The following PRKAR1B variants were observed in gnomAD, a reference collection of about 807,000 sequenced individuals.
The protein encoded by PRKAR1B is cAMP-dependent protein kinase type I-beta regulatory subunit.
In PRKAR1B, 22 loss-of-function variants were observed where a neutral mutation model predicts 46.5. The observed-to-expected ratio is 0.47, with a 90% CI of 0.34 to 0.68. PRKAR1B has a LOEUF of 0.68. Among genes scored for constraint, PRKAR1B ranks in the 30% least tolerant of loss-of-function variants. PRKAR1B has a pLI of 0.01. For synonymous variants in PRKAR1B, 259 were observed against 217.7 expected (o/e 1.19, Z -1.67); for missense variants, 445 against 535.6 (o/e 0.83, Z 1.67).
chr7:654,870 AC>A (rs1218934328), intron 4 of PRKAR1B, among the ~76,000 whole-genome samples: 2 of 152,184 alleles, frequency 1.3e-5, no homozygotes, highest in Admixed American at 1.3e-4. Flanking sequence ...TATCACCATC[AC>A]CACCATCAAC....
Position 644,498 on chromosome 7 carries a change from G to C in PRKAR1B, c.440+32731C>G, listed in dbSNP as rs1050392004. Reference sequence around the variant, plus strand: ...GGAAGCCCCACTCGGACGCCATCCCGGGGTCCAGCATCCCTCCGAGGGCCC... The same window carrying C: ...GGAAGCCCCACTCGGACGCCATCCCCGGGTCCAGCATCCCTCCGAGGGCCC... On this transcript the variant is annotated intron_variant, in intron 4 of 10. Coordinates refer to ENST00000537384, the MANE Select transcript of PRKAR1B (RefSeq NM_001164760.2). The surrounding 1 kb of genome is among the most constrained non-coding windows in gnomAD (Gnocchi z 4.9). 6.6e-6 allele frequency among the ~76,000 whole-genome samples: 1 copy of C among 152,148 alleles called. No individual in the cohort carries two copies.
At chr7:668,135 A>T (rs1786037251) in intron 4 of PRKAR1B, among the ~76,000 whole-genome samples, 1 of 152,198 alleles carries the variant, frequency 6.6e-6, no homozygotes, top group Non-Finnish European at 1.5e-5. Context: ...CTGCAGGTGG[A>T]TGCATCTGCA....
At chr7:565,152 A>G (rs1046118314) in intron 9 of PRKAR1B, 1 of 152,208 alleles carries the variant, frequency 6.6e-6, no homozygotes, top group African/African-American at 2.4e-5. Flanking sequence ...AGATGCTCCA[A>G]CCATCCCTCA....
chr7:598,962 C>A (rs1024773259), intron 6 of PRKAR1B, among the ~76,000 whole-genome samples: 1 of 152,238 alleles, frequency 6.6e-6, no homozygotes, highest in East Asian at 1.9e-4. Context: ...CAGCCCGGGA[C>A]GGCCGCACCT....
At chr7:698,982 AG>A (rs1253242034) in intron 2 of PRKAR1B, among the ~76,000 whole-genome samples, 1 of 152,158 alleles carries the variant, frequency 6.6e-6, no homozygotes, top group Non-Finnish European at 1.5e-5. Context: ...TGCCACACAC[AG>A]GGGCACCAGC....
chr7:680,929 C>G (rs1030636266), intron 2 of PRKAR1B, among the ~76,000 whole-genome samples: 8 of 152,150 alleles, frequency 5.3e-5, no homozygotes, highest in Admixed American at 4.6e-4. Context: ...TGTGTCCCCA[C>G]TCAAATCTCA....
chr7:612,078 GACAGGTGGGTGGATGA>G (rs1782536827), intron 4 of PRKAR1B, among the ~76,000 whole-genome samples: 1 of 151,732 alleles, frequency 6.6e-6, no homozygotes, highest in African/African-American at 2.4e-5. Flanking sequence ...TGGATGGACG[GACAGGTGGGTGGATGA>G]ACAGGTGTGT....
At position 701,929 on chromosome 7, in the gene PRKAR1B, C is replaced by T. The variant is rs139315116; in HGVS notation, c.177+9400G>A. 8.5e-4 allele frequency among the ~76,000 whole-genome samples: 130 copies of T among 152,228 alleles called. 2 individuals are homozygous for T. The highest frequency in any genetic ancestry group is 2.6e-3 in the African/African-American group (108 of 41,536). On this transcript the variant is annotated intron_variant, in intron 2 of 10. Transcript: ENST00000537384. ...GGAAAGAAAAACACTTCAGGAACCA[C>T]GGAAGAGTGACAGAAATGGGAAATA...
rs146084720 is a variant in PRKAR1B, at chr7:623,715, C to T, written c.441-16263G>A. Among the ~76,000 whole-genome samples the T allele has an allele frequency of 1.6e-3, 245 of 152,362 alleles. 2 individuals carry two copies. The highest frequency in any genetic ancestry group is 5.6e-3 in the African/African-American group (233 of 41,582). On this transcript the variant is annotated intron_variant, in intron 4 of 10. Transcript: ENST00000537384. ...GGCAAGCCCAAGCTCCTTCCTCCAC[C>T]GCAAGACCCCATTGCAGTGATCCCT...
chr7:550,256 A>G lies in PRKAR1B; in HGVS notation c.*174T>C, dbSNP rs1032127596. ...CGCTTGTCCTTTGATTTGGAAATGCACAAGGTGATCATTTATTCCAAAAAG... is the reference window on the plus strand; with the variant it reads ...CGCTTGTCCTTTGATTTGGAAATGCGCAAGGTGATCATTTATTCCAAAAAG... On this transcript the variant is annotated 3_prime_UTR_variant, in exon 11 of 11. Transcript: ENST00000537384. 1.3e-5 allele frequency: 8 copies of G among 609,808 alleles called. No homozygotes were observed. The African/African-American group carries it at 1.5e-4, about 11-fold the overall frequency. 37.8% of individuals were successfully genotyped at this position (609,808 alleles called of 1,614,324 possible). A position where few individuals can be genotyped will look rare whatever the true frequency, so the allele number is the denominator to read the frequency against.
chr7:635,685 G>A (rs912500687), intron 4 of PRKAR1B, among the ~76,000 whole-genome samples: 1 of 152,158 alleles, frequency 6.6e-6, no homozygotes, highest in African/African-American at 2.4e-5. Flanking sequence ...GATGGCTGCA[G>A]GACGGTCTTT....
In PRKAR1B at chr7:712,109, T is replaced by C. The variant is rs1780670620; in HGVS notation, c.-22-582A>G. 3.3e-5 allele frequency among the ~76,000 whole-genome samples: 5 copies of C among 150,846 alleles called. No individual in the cohort carries two copies. In the South Asian group the frequency reaches 6.3e-4, roughly 19 times the overall value. ...CAAATGCGGCGGCCGCGCAGCGAAG[T>C]CACCATGGCCAGGCCAGGCCGGCAC... On this transcript the variant is annotated intron_variant, in intron 1 of 10. Coordinates refer to ENST00000537384, the MANE Select transcript of PRKAR1B (RefSeq NM_001164760.2).
intron 4 of PRKAR1B, among the ~76,000 whole-genome samples, chr7:637,840 T>A (rs536332409): frequency 0.015 from 2,226 of 151,828 alleles, 24 homozygotes; most frequent in African/African-American, 0.026. Flanking sequence ...TCTAAAAAAA[T>A]AAATAAATAA....
intron 9 of PRKAR1B, among the ~76,000 whole-genome samples, chr7:563,421 T>A (rs530918520): frequency 1.3e-3 from 195 of 152,400 alleles, no homozygotes; most frequent in African/African-American, 4.3e-3. Flanking sequence ...GGCTGTGCAC[T>A]GTCCACTCAG....
intron 4 of PRKAR1B, among the ~76,000 whole-genome samples, chr7:632,610 C>T (rs1375786316): frequency 6.6e-6 from 1 of 152,224 alleles, no homozygotes; most frequent in Non-Finnish European, 1.5e-5. Context: ...TGGATCCAGG[C>T]CTTCAGGACA....
intron 2 of PRKAR1B, among the ~76,000 whole-genome samples, chr7:693,437 C>T (rs1002816765): frequency 9.9e-5 from 15 of 151,998 alleles, no homozygotes; most frequent in Non-Finnish European, 1.9e-4. Context: ...CCGACAGCCC[C>T]GAATCGACTT....
At chr7:588,912 A>G (rs1423396145) in intron 7 of PRKAR1B, among the ~76,000 whole-genome samples, 4 of 8,796 alleles carry the variant, frequency 4.5e-4, no homozygotes, top group Admixed American at 9.8e-4. Context: ...GACGGTGGTG[A>G]TGGTGATGGT....
At chr7:566,156 T>TCACTATC (rs1554283450) in intron 9 of PRKAR1B, among the ~76,000 whole-genome samples, 823 of 67,420 alleles carry the variant, frequency 0.012, 2 homozygotes, top group Middle Eastern at 0.028. Flanking sequence ...TCATTACCAT[T>TCACTATC]ACCATCATCA....
At chr7:600,106 T>C (rs1018714824) in intron 6 of PRKAR1B, among the ~76,000 whole-genome samples, 1 of 152,188 alleles carries the variant, frequency 6.6e-6, no homozygotes, top group East Asian at 1.9e-4. Flanking sequence ...ACAAGAACAT[T>C]TGGGAAATGG....
Sources: allele counts gnomAD v4.1 joint callset (sites outside exome capture counted in the v4.1 genomes callset), GRCh38; gene constraint gnomAD v4.1.1; non-coding constraint Gnocchi (gnomAD v3.1); transcripts MANE v1.5; gene names NCBI Gene and HGNC (gene_info 2026-07-23, HGNC 2026-07-21).